The following NLK variants were observed in gnomAD, a reference collection of about 807,000 sequenced individuals.
NLK encodes the protein serine/threonine-protein kinase NLK.
Under a neutral mutation model 59.0 loss-of-function variants are expected in NLK, and 11 were observed. The ratio of observed to expected loss-of-function variants is 0.19; its 90% CI spans 0.12 to 0.31. The LOEUF (loss-of-function observed/expected upper bound fraction) is 0.31. NLK is among the 10% of genes least tolerant of loss of function. The pLI, the probability that NLK is intolerant of heterozygous loss-of-function variation, is 1.00. For synonymous variants in NLK, 235 were observed against 235.9 expected (o/e 1.00, Z 0.03); for missense variants, 410 against 661.1 (o/e 0.62, Z 4.16).
At chr17:28,134,367 C>CTA (rs1250839919) in intron 3 of NLK, among the ~76,000 whole-genome samples, 1 of 152,154 alleles carries the variant, frequency 6.6e-6, no homozygotes, top group East Asian at 1.9e-4. Flanking sequence ...CACCACTGCA[C>CTA]TATAGCCTGG....
chr17:28,105,836 C>T (rs144290816), intron 1 of NLK, among the ~76,000 whole-genome samples: 117 of 152,294 alleles, frequency 7.7e-4, no homozygotes, highest in African/African-American at 2.5e-3. Context: ...CACTTAGAGT[C>T]GTTCTCCTCC....
intron 3 of NLK, among the ~76,000 whole-genome samples, chr17:28,158,459 C>T (rs1290722014): frequency 6.6e-6 from 1 of 152,144 alleles, no homozygotes; most frequent in Non-Finnish European, 1.5e-5. Context: ...ACTTTATAAA[C>T]TCTGTGCTCT....
chr17:28,051,732 C>G (rs1230200081), intron 1 of NLK, among the ~76,000 whole-genome samples: 2 of 151,714 alleles, frequency 1.3e-5, no homozygotes, highest in Non-Finnish European at 2.9e-5. Context: ...TGGTCCTAGC[C>G]TTGCTGCCAA....
chr17:28,200,377 T>A (rs1909598738), downstream of NLK, among the ~76,000 whole-genome samples: 1 of 152,230 alleles, frequency 6.6e-6, no homozygotes, highest in Non-Finnish European at 1.5e-5. Flanking sequence ...TATATGAATG[T>A]CCACTATTCA....
chr17:28,085,625 A>C (rs1464510788), intron 1 of NLK, among the ~76,000 whole-genome samples: 1 of 152,138 alleles, frequency 6.6e-6, no homozygotes, highest in African/African-American at 2.4e-5. Flanking sequence ...CTGTAATCCC[A>C]GCTACTCGGA....
chr17:28,151,386 A>G lies in NLK; in HGVS notation c.645-9774A>G, dbSNP rs996805945. On this transcript the variant is annotated intron_variant, in intron 3 of 10. Coordinates refer to ENST00000407008, the MANE Select transcript of NLK (RefSeq NM_016231.5). ...ATTATTTTCCAAAGAAAATTTTAAAATGTTGGCCTGGTTGTCTCATTGTTT... is the reference window on the plus strand; with the variant it reads ...ATTATTTTCCAAAGAAAATTTTAAAGTGTTGGCCTGGTTGTCTCATTGTTT... Among the ~76,000 whole-genome samples, 6 of 152,300 alleles carry G rather than the reference A, an allele frequency of 3.9e-5. No individual in the cohort carries two copies. The East Asian group carries it at 1.2e-3, about 29-fold the overall frequency.
At chr17:28,113,263 A>G (rs1291433484) in intron 1 of NLK, among the ~76,000 whole-genome samples, 1 of 152,224 alleles carries the variant, frequency 6.6e-6, no homozygotes, top group Non-Finnish European at 1.5e-5. Context: ...ACCAGTACCC[A>G]GAAGTCCCCT....
At chr17:28,086,165 A>T (rs1465110487) in intron 1 of NLK, among the ~76,000 whole-genome samples, 1 of 152,182 alleles carries the variant, frequency 6.6e-6, no homozygotes, top group Non-Finnish European at 1.5e-5. Context: ...ATAATTCAGA[A>T]TTCAAAAGAT....
chr17:28,084,182 A>G (rs1412626335), intron 1 of NLK, among the ~76,000 whole-genome samples: 5 of 152,188 alleles, frequency 3.3e-5, no homozygotes, highest in Admixed American at 6.5e-5. Context: ...TCTTTTAACT[A>G]CCTATGAGTA....
intron 1 of NLK, among the ~76,000 whole-genome samples, chr17:28,079,989 G>T (rs1250474654): frequency 6.6e-6 from 1 of 152,058 alleles, no homozygotes; most frequent in African/African-American, 2.4e-5. Context: ...GTTGATTTTT[G>T]TATGTGATAT....
At chr17:28,159,149 A>T (rs1406465828) in intron 3 of NLK, among the ~76,000 whole-genome samples, 1 of 152,252 alleles carries the variant, frequency 6.6e-6, no homozygotes, top group Non-Finnish European at 1.5e-5. Flanking sequence ...GTTGGAGTGT[A>T]TCTAGCATGT....
intron 1 of NLK, among the ~76,000 whole-genome samples, chr17:28,114,307 A>G (rs1054607374): frequency 6.6e-6 from 1 of 152,198 alleles, no homozygotes; most frequent in Non-Finnish European, 1.5e-5. Flanking sequence ...TTTTGACTTA[A>G]TAGATAATGT....
intron 1 of NLK, among the ~76,000 whole-genome samples, chr17:28,064,723 T>G (rs1909771412): frequency 6.6e-6 from 1 of 152,198 alleles, no homozygotes; most frequent in Non-Finnish European, 1.5e-5. Flanking sequence ...AAATGTGCAG[T>G]CTTTTAAGAT....
chr17:28,053,438 T>C (rs537001487), intron 1 of NLK, among the ~76,000 whole-genome samples: 1 of 152,364 alleles, frequency 6.6e-6, no homozygotes, highest in South Asian at 2.1e-4. Context: ...TACCTGATCG[T>C]TGCCATGTTT....
chr17:28,130,755 T>C (rs1049912471), intron 2 of NLK, among the ~76,000 whole-genome samples: 1 of 152,206 alleles, frequency 6.6e-6, no homozygotes, highest in Non-Finnish European at 1.5e-5. Context: ...AGATGTCAAG[T>C]AAAACACTAA....
intron 3 of NLK, among the ~76,000 whole-genome samples, chr17:28,140,942 A>G (rs1030112113): frequency 3.9e-5 from 6 of 152,202 alleles, no homozygotes; most frequent in Non-Finnish European, 7.4e-5. Context: ...ATCTCTAGTA[A>G]CACTTTCATT....
chr17:28,066,195 A>G (rs1252139731), intron 1 of NLK, among the ~76,000 whole-genome samples: 1 of 152,000 alleles, frequency 6.6e-6, no homozygotes, highest in African/African-American at 2.4e-5. Flanking sequence ...CTCATCCCTA[A>G]ATTCAACCCT....
At chr17:28,135,357 T>C (rs1906699326) in intron 3 of NLK, among the ~76,000 whole-genome samples, 1 of 152,196 alleles carries the variant, frequency 6.6e-6, no homozygotes, top group African/African-American at 2.4e-5. Context: ...GGAGCACCCA[T>C]GTGAGTGACC....
intron 1 of NLK, among the ~76,000 whole-genome samples, chr17:28,051,982 T>C (rs920927763): frequency 1.3e-5 from 2 of 152,180 alleles, no homozygotes; most frequent in Non-Finnish European, 2.9e-5. Context: ...TTATAGAGTT[T>C]TCTAATTTGG....
Sources: allele counts gnomAD v4.1 joint callset (sites outside exome capture counted in the v4.1 genomes callset), GRCh38; gene constraint gnomAD v4.1.1; transcripts MANE v1.5; gene names NCBI Gene and HGNC (gene_info 2026-07-23, HGNC 2026-07-21).